Variants in DPYD observed in about 807,000 individuals in gnomAD.
DPYD encodes dihydropyrimidine dehydrogenase, also known as dihydropyrimidine dehydrogenase [NADP(+)].
Under a neutral mutation model 116.2 loss-of-function variants are expected in DPYD, and 109 were observed. That is an observed-to-expected ratio of 0.94 (90% CI 0.80 to 1.10). The LOEUF is 1.10. Among genes scored for constraint, DPYD ranks in the 50% least tolerant of loss-of-function variants. The pLI is 0.00. For synonymous variants in DPYD, 440 were observed against 432.0 expected (o/e 1.02, Z -0.23); for missense variants, 1,302 against 1,254.5 (o/e 1.04, Z -0.57).
chr1:97,232,820 T>A (rs924896745), intron 19 of DPYD, among the ~76,000 whole-genome samples: 15 of 152,190 alleles, frequency 9.9e-5, no homozygotes, highest in African/African-American at 3.6e-4. Flanking sequence ...ATACTTGTAG[T>A]TGCTTGTTAA....
At chr1:97,624,652 C>A (rs1656821116) in intron 8 of DPYD, among the ~76,000 whole-genome samples, 1 of 151,956 alleles carries the variant, frequency 6.6e-6, no homozygotes, top group Non-Finnish European at 1.5e-5. Context: ...TTGTTGAAGA[C>A]ATGTCTGCAC....
chr1:97,547,995 T>TA (rs1421103752), intron 12 of DPYD, among the ~76,000 whole-genome samples: 2 of 152,030 alleles, frequency 1.3e-5, no homozygotes, highest in Non-Finnish European at 2.9e-5. Flanking sequence ...CTGCATTAGT[T>TA]ACACAAACAT....
At chr1:97,193,329 A>G in intron 19 of DPYD, 81 bp from the exon 20 acceptor site, 1 of 1,409,034 alleles carries the variant, frequency 7.1e-7, no homozygotes, top group Non-Finnish European at 9.8e-7. Flanking sequence ...TGAGTCAACA[A>G]ATATTTATTT....
At chr1:97,190,146 T>C (rs1658255881) in intron 20 of DPYD, among the ~76,000 whole-genome samples, 1 of 152,200 alleles carries the variant, frequency 6.6e-6, no homozygotes, top group Non-Finnish European at 1.5e-5. Context: ...ATGCAGTTTC[T>C]TCATTGGGTA....
chr1:97,421,450 A>AAACAAC (rs57035979), intron 14 of DPYD, among the ~76,000 whole-genome samples: 60 of 151,692 alleles, frequency 4.0e-4, no homozygotes, highest in African/African-American at 1.3e-3. Flanking sequence ...AAACAAAACA[A>AAACAAC]AACAACAACA....
intron 13 of DPYD, among the ~76,000 whole-genome samples, chr1:97,479,343 G>T (rs1034922205): frequency 6.6e-5 from 10 of 152,088 alleles, no homozygotes; most frequent in Admixed American, 5.9e-4. Flanking sequence ...TTATTAATTG[G>T]TCTAATTTCT....
At chr1:97,572,863 C>T (rs1251583236) in intron 11 of DPYD, among the ~76,000 whole-genome samples, 2 of 151,942 alleles carry the variant, frequency 1.3e-5, no homozygotes, top group Non-Finnish European at 2.9e-5. Flanking sequence ...TATACATTTT[C>T]ATGTATATAT....
At chr1:97,827,989 T>G in intron 3 of DPYD, 125 bp downstream of exon 3, 1 of 946,622 alleles carries the variant, frequency 1.1e-6, no homozygotes, top group Non-Finnish European at 1.7e-6. Context: ...GTCTCTCCAC[T>G]GACAAATTAA....
chr1:97,343,941 T>C (rs1049502491), intron 16 of DPYD, among the ~76,000 whole-genome samples: 2 of 151,982 alleles, frequency 1.3e-5, no homozygotes, highest in African/African-American at 4.8e-5. Context: ...CAATGGTAAA[T>C]GGTAAATAGT....
intron 1 of DPYD, among the ~76,000 whole-genome samples, chr1:97,893,885 T>A (rs1672908924): frequency 6.6e-6 from 1 of 151,756 alleles, no homozygotes; most frequent in Admixed American, 6.6e-5. Flanking sequence ...AAAAAAAGTC[T>A]TTTTATTGTC....
chr1:97,088,829 A>G (rs1649703003), intron 21 of DPYD, among the ~76,000 whole-genome samples: 1 of 152,156 alleles, frequency 6.6e-6, no homozygotes, highest in South Asian at 2.1e-4. Flanking sequence ...TCAGTTTTTA[A>G]AGTTCAGTTT....
intron 18 of DPYD, among the ~76,000 whole-genome samples, chr1:97,271,184 C>A (rs1347645758): frequency 6.6e-6 from 1 of 152,068 alleles, no homozygotes; most frequent in African/African-American, 2.4e-5. Flanking sequence ...GAACAGTTCC[C>A]TCTGACTGGA....
At position 97,598,068 on chromosome 1, in the gene DPYD, CTATTAA is replaced by C. The variant is rs1374879112; in HGVS notation, c.851-2908_851-2903del. 1.3e-5 allele frequency among the ~76,000 whole-genome samples: 2 copies of C among 151,988 alleles called. 1 individual carries two copies. Among genetic ancestry groups the C allele is most frequent in the Non-Finnish European group, 2.9e-5 (2 of 68,004 alleles). On this transcript the variant is annotated intron_variant, in intron 8 of 22. Coordinates refer to ENST00000370192, the MANE Select transcript of DPYD (RefSeq NM_000110.4). ...ATCGTGAATACTCATTAAACATTAG[CTATTAA>C]TATTAAGATAGGTTTATTCTATAAT...
At chr1:97,718,111 C>T (rs745999078) in intron 5 of DPYD, among the ~76,000 whole-genome samples, 28 of 151,986 alleles carry the variant, frequency 1.8e-4, no homozygotes, top group Admixed American at 6.6e-5. Context: ...CCCTTTTCAA[C>T]ACATCCATGC....
intron 19 of DPYD, among the ~76,000 whole-genome samples, chr1:97,199,338 G>A (rs1028830431): frequency 1.3e-5 from 2 of 152,068 alleles, no homozygotes; most frequent in Non-Finnish European, 2.9e-5. Context: ...GCACACAGAA[G>A]TCAAGCAGAA....
At chr1:97,526,885 A>C (rs969842768) in intron 12 of DPYD, among the ~76,000 whole-genome samples, 3 of 152,198 alleles carry the variant, frequency 2.0e-5, no homozygotes, top group African/African-American at 7.2e-5. Context: ...TTTGCAAGTA[A>C]TATTTATACC....
intron 16 of DPYD, among the ~76,000 whole-genome samples, chr1:97,337,652 A>ATTT (rs67279659): frequency 2.1e-5 from 3 of 145,450 alleles, no homozygotes; most frequent in Admixed American, 1.4e-4. Flanking sequence ...GACTTAACAC[A>ATTT]TTTTTTTTTT....
intron 16 of DPYD, among the ~76,000 whole-genome samples, chr1:97,354,104 G>A (rs1037607013): frequency 6.6e-6 from 1 of 152,170 alleles, no homozygotes; most frequent in Non-Finnish European, 1.5e-5. Context: ...CCTTGGGTGA[G>A]AGCCTGCTAA....
At chr1:97,730,082 A>G (rs183734607) in intron 4 of DPYD, among the ~76,000 whole-genome samples, 38 of 152,132 alleles carry the variant, frequency 2.5e-4, no homozygotes, top group Admixed American at 1.8e-3. Context: ...GTTAATATAT[A>G]TTTGCGGTAG....
Sources: allele counts gnomAD v4.1 joint callset (sites outside exome capture counted in the v4.1 genomes callset), GRCh38; gene constraint gnomAD v4.1.1; transcripts MANE v1.5; gene names NCBI Gene and HGNC (gene_info 2026-07-23, HGNC 2026-07-21).